Variants in KCNT2 observed in about 807,000 individuals in gnomAD.
KCNT2 encodes potassium channel subfamily T member 2.
Under a neutral mutation model 153.8 loss-of-function variants are expected in KCNT2, and 67 were observed. The observed-to-expected ratio is 0.44, with a 90% confidence interval of 0.36 to 0.53. KCNT2 has a LOEUF of 0.53. Ranked by LOEUF, KCNT2 falls within the 20% of genes least tolerant of loss-of-function variation. KCNT2 has a pLI of 0.00. For missense variants in KCNT2, 975 were observed against 1,354.8 expected (o/e 0.72, Z 4.40); for synonymous variants, 500 against 458.8 (o/e 1.09, Z -1.15).
intron 14 of KCNT2, among the ~76,000 whole-genome samples, chr1:196,345,885 G>A (rs1173830175): frequency 6.6e-6 from 1 of 152,084 alleles, no homozygotes; most frequent in African/African-American, 2.4e-5. Context: ...GTGCTTACAA[G>A]ACATCATGGG....
At chr1:196,372,275 A>T (rs1482803599) in intron 14 of KCNT2, among the ~76,000 whole-genome samples, 3 of 151,996 alleles carry the variant, frequency 2.0e-5, no homozygotes, top group Non-Finnish European at 4.4e-5. Flanking sequence ...ATCTATAAAT[A>T]AATCTCAAAA....
At chr1:196,482,412 A>T (rs1679087898) in intron 3 of KCNT2, 33 bp from the exon 4 acceptor site, 1 of 1,172,750 alleles carries the variant, frequency 8.5e-7, no homozygotes. Flanking sequence ...TTAGTTTTTT[A>T]AAATATGAAA....
At chr1:196,320,330 C>T (rs1663165188) in intron 19 of KCNT2, among the ~76,000 whole-genome samples, 1 of 151,702 alleles carries the variant, frequency 6.6e-6, no homozygotes, top group African/African-American at 2.4e-5. Context: ...ATTTAATAGA[C>T]ATTTTAACAC....
chr1:196,553,763 A>G (rs1658262652), intron 1 of KCNT2, among the ~76,000 whole-genome samples: 2 of 150,796 alleles, frequency 1.3e-5, no homozygotes, highest in Admixed American at 1.3e-4. Flanking sequence ...CATTAAAAAA[A>G]ATGAAATAAT....
chr1:196,502,258 T>C (rs985061832), intron 1 of KCNT2, among the ~76,000 whole-genome samples: 1 of 152,226 alleles, frequency 6.6e-6, no homozygotes, highest in Non-Finnish European at 1.5e-5. Flanking sequence ...CTAACTTCTT[T>C]TTGCCATCTA....
intron 12 of KCNT2, among the ~76,000 whole-genome samples, chr1:196,409,878 T>C (rs1267855690): frequency 6.6e-6 from 1 of 151,712 alleles, no homozygotes; most frequent in Non-Finnish European, 1.5e-5. Context: ...GCCATATTGT[T>C]TTTCATAGCT....
At position 196,575,305 on chromosome 1, in the gene KCNT2, C is replaced by T. The variant is rs536780870; in HGVS notation, c.95+32910G>A. The stretch of plus-strand genomic sequence containing the variant: ...ATTCATTTGAATAATTCAATGGTAT[C>T]TATATTATTTTTTTCATTACATTTA... On this transcript the variant is annotated intron_variant, in intron 1 of 27. Transcript: ENST00000294725. 2.6e-5 allele frequency among the ~76,000 whole-genome samples: 4 copies of T among 152,078 alleles called. No individual in the cohort carries two copies. The East Asian group carries it at 7.7e-4, about 29-fold the overall frequency.
intron 21 of KCNT2, among the ~76,000 whole-genome samples, chr1:196,308,945 A>C (rs1416506259): frequency 6.6e-6 from 1 of 152,020 alleles, no homozygotes; most frequent in East Asian, 1.9e-4. Context: ...TACTATTAGA[A>C]ATTTCTGGTC....
chr1:196,411,065 CCTTCCT>C (rs1558257303), intron 12 of KCNT2, among the ~76,000 whole-genome samples: 19 of 2,346 alleles, frequency 8.1e-3, no homozygotes, highest in African/African-American at 9.0e-3. Context: ...TTCCCTCCTT[CCTTCCT>C]TCCTTCCTTC....
chr1:196,295,616 T>G (rs969514124), intron 22 of KCNT2, among the ~76,000 whole-genome samples: 19 of 151,984 alleles, frequency 1.3e-4, no homozygotes, highest in Non-Finnish European at 7.4e-5. Context: ...CATATAAGAA[T>G]TAAGGAGGAT....
At chr1:196,300,652 C>T (rs1156537755) in intron 22 of KCNT2, among the ~76,000 whole-genome samples, 9 of 152,144 alleles carry the variant, frequency 5.9e-5, no homozygotes, top group Admixed American at 5.2e-4. Context: ...AATAATAATT[C>T]TGTACAGCTG....
chr1:196,454,950 A>C (rs1214087481), intron 8 of KCNT2, among the ~76,000 whole-genome samples: 2 of 151,958 alleles, frequency 1.3e-5, no homozygotes, highest in Non-Finnish European at 2.9e-5. Flanking sequence ...TGTTGTATGC[A>C]GTTCAGTTCC....
At chr1:196,304,847 A>T (rs1452221061) in intron 22 of KCNT2, among the ~76,000 whole-genome samples, 1 of 152,024 alleles carries the variant, frequency 6.6e-6, no homozygotes, top group Non-Finnish European at 1.5e-5. Context: ...TCTACTGGGG[A>T]GGTAGTCTCC....
At chr1:196,361,703 A>T (rs1667637746) in intron 14 of KCNT2, among the ~76,000 whole-genome samples, 1 of 151,996 alleles carries the variant, frequency 6.6e-6, no homozygotes, top group Non-Finnish European at 1.5e-5. Context: ...TGGGAAGGAG[A>T]TGTGGGGTTT....
intron 14 of KCNT2, among the ~76,000 whole-genome samples, chr1:196,361,571 C>T (rs1241872800): frequency 1.3e-5 from 2 of 152,014 alleles, no homozygotes; most frequent in Non-Finnish European, 2.9e-5. Context: ...TAAGTAGCTA[C>T]ACTGTCTACC....
intron 8 of KCNT2, among the ~76,000 whole-genome samples, chr1:196,462,619 T>G (rs764687207): frequency 6.6e-6 from 1 of 151,722 alleles, no homozygotes; most frequent in Admixed American, 6.6e-5. Flanking sequence ...ACTAAAACTT[T>G]TGAGGTGTTA....
At chr1:196,360,109 G>A (rs756478007) in intron 14 of KCNT2, among the ~76,000 whole-genome samples, 15 of 152,002 alleles carry the variant, frequency 9.9e-5, no homozygotes, top group Non-Finnish European at 2.1e-4. Context: ...CAGTCAAGTA[G>A]ATTTTGGGAT....
chr1:196,518,425 TG>T (rs756625576), intron 1 of KCNT2, among the ~76,000 whole-genome samples: 2 of 143,878 alleles, frequency 1.4e-5, no homozygotes, highest in Non-Finnish European at 3.0e-5. Context: ...TAATCCTGAA[TG>T]GAAACAGGCT....
chr1:196,564,784 C>A (rs1386416845), intron 1 of KCNT2, among the ~76,000 whole-genome samples: 1 of 151,898 alleles, frequency 6.6e-6, no homozygotes, highest in Non-Finnish European at 1.5e-5. Context: ...GTTGGGACAA[C>A]TTGCAGAACA....
Sources: allele counts gnomAD v4.1 joint callset (sites outside exome capture counted in the v4.1 genomes callset), GRCh38; gene constraint gnomAD v4.1.1; transcripts MANE v1.5; gene names NCBI Gene and HGNC (gene_info 2026-07-23, HGNC 2026-07-21).